CACHD1: variants seen among roughly 807,000 people sequenced by gnomAD.
CACHD1 encodes VWFA and cache domain-containing protein 1.
A neutral mutation model predicts 138.7 loss-of-function variants in CACHD1; 71 were observed. The ratio of observed to expected loss-of-function variants is 0.51; its 90% CI spans 0.42 to 0.62. CACHD1 has a LOEUF of 0.62. Ranked by LOEUF, CACHD1 falls within the 20% of genes least tolerant of loss-of-function variation. CACHD1 has a pLI of 0.00. For missense variants in CACHD1, 1,389 were observed against 1,625.3 expected (o/e 0.85, Z 2.50); for synonymous variants, 578 against 591.5 (o/e 0.98, Z 0.33).
chr1:64,554,673 A>T (rs1392521604), intron 2 of CACHD1, among the ~76,000 whole-genome samples: 1 of 152,232 alleles, frequency 6.6e-6, no homozygotes, highest in Admixed American at 6.5e-5. Flanking sequence ...TCAAATATCT[A>T]TGAATGCTCC....
chr1:64,477,315 C>T (rs1170648588), intron 1 of CACHD1, among the ~76,000 whole-genome samples: 1 of 152,172 alleles, frequency 6.6e-6, no homozygotes, highest in Non-Finnish European at 1.5e-5. Flanking sequence ...TCAATATGGT[C>T]AATCCTCTGC....
intron 26 of CACHD1, among the ~76,000 whole-genome samples, chr1:64,685,492 G>C (rs905269447): frequency 6.6e-6 from 1 of 152,168 alleles, no homozygotes; most frequent in East Asian, 1.9e-4. Flanking sequence ...AGACAGCTTG[G>C]TGTAGAGGAA....
intron 10 of CACHD1, among the ~76,000 whole-genome samples, chr1:64,653,489 A>G (rs574556702): frequency 6.6e-6 from 1 of 152,142 alleles, no homozygotes; most frequent in African/African-American, 2.4e-5. Flanking sequence ...GTGGTAGATT[A>G]GAATGTTTTA....
In CACHD1 at chr1:64,505,746, C is replaced by T. The variant is rs866339414; in HGVS notation, c.198+34804C>T. On this transcript the variant is annotated intron_variant, in intron 1 of 26. Transcript: ENST00000651257. ...TCCCCCTCTTGGCTGCGCCCCGCCC[C>T]GCCTTCCGGGCGCCCTCCTTCCCCG... 3.8e-3 allele frequency among the ~76,000 whole-genome samples: 554 copies of T among 146,434 alleles called. 6 individuals are homozygous for T. Among genetic ancestry groups the T allele is most frequent in the African/African-American group, 0.014 (532 of 39,280 alleles).
intron 8 of CACHD1, among the ~76,000 whole-genome samples, chr1:64,642,930 T>C (rs139495333): frequency 0.01 from 1,558 of 150,826 alleles, 32 homozygotes; most frequent in African/African-American, 0.036. Context: ...TCCCAGCTAC[T>C]CGGGAGGTTG....
At position 64,678,151 on chromosome 1, in the gene CACHD1, T is replaced by C; in HGVS notation, c.3093-8T>C. On this transcript the variant is annotated splice_polypyrimidine_tract_variant and splice_region_variant and intron_variant, in intron 22 of 26. Coordinates refer to ENST00000651257, the MANE Select transcript of CACHD1 (RefSeq NM_020925.4). ...TTTATAGAAGACTAAGTATTGTTTTTCTGGCAGGGACTGTTTTGGGGTGCT... is the reference window on the plus strand; with the variant it reads ...TTTATAGAAGACTAAGTATTGTTTTCCTGGCAGGGACTGTTTTGGGGTGCT... 1 of 1,608,442 alleles carries C rather than the reference T, an allele frequency of 6.2e-7. No individual in the cohort carries two copies. The highest frequency in any genetic ancestry group is 1.1e-5 in the South Asian group (1 of 89,546).
intron 8 of CACHD1, 64 bp from the exon 9 acceptor site, chr1:64,647,737 C>T: frequency 1.4e-6 from 2 of 1,395,596 alleles, no homozygotes; most frequent in Non-Finnish European, 2.0e-6. Context: ...ATCTAAATGG[C>T]AAGAGGTTGA....
chr1:64,533,364 GA>G (rs1418829021), intron 1 of CACHD1, among the ~76,000 whole-genome samples: 1 of 152,088 alleles, frequency 6.6e-6, no homozygotes, highest in Non-Finnish European at 1.5e-5. Flanking sequence ...TCAAAAACAA[GA>G]GAGAGAGGCC....
chr1:64,490,659 T>C (rs1646269699), intron 1 of CACHD1, among the ~76,000 whole-genome samples: 1 of 152,206 alleles, frequency 6.6e-6, no homozygotes, highest in South Asian at 2.1e-4. Flanking sequence ...GTTTCAAAAA[T>C]AGCTTGCCTT....
chr1:64,500,217 G>A (rs142660778), intron 1 of CACHD1, among the ~76,000 whole-genome samples: 1 of 152,274 alleles, frequency 6.6e-6, no homozygotes, highest in African/African-American at 2.4e-5. Context: ...CTGGTCACAT[G>A]ACTCCACCTA....
At chr1:64,594,524 A>G (rs968039298) in intron 3 of CACHD1, among the ~76,000 whole-genome samples, 1 of 152,112 alleles carries the variant, frequency 6.6e-6, no homozygotes, top group East Asian at 1.9e-4. Flanking sequence ...GTGTGTGTGC[A>G]TTAGGTAGAT....
At chr1:64,534,044 AT>A (rs1190973908) in intron 1 of CACHD1, among the ~76,000 whole-genome samples, 426 of 110,494 alleles carry the variant, frequency 3.9e-3, no homozygotes, top group Middle Eastern at 0.014. Context: ...TGAGCCCAGC[AT>A]TTTTTTTTTT....
chr1:64,496,309 A>G (rs186470140), intron 1 of CACHD1, among the ~76,000 whole-genome samples: 30 of 152,292 alleles, frequency 2.0e-4, no homozygotes, highest in African/African-American at 6.3e-4. Context: ...TAGTTGTAGT[A>G]TTTAAGTTCA....
chr1:64,568,442 C>G (rs1557497562), intron 2 of CACHD1, among the ~76,000 whole-genome samples: 1 of 152,056 alleles, frequency 6.6e-6, no homozygotes, highest in Non-Finnish European at 1.5e-5. Flanking sequence ...CCATATGAAG[C>G]CTGGACAATA....
intron 1 of CACHD1, among the ~76,000 whole-genome samples, chr1:64,507,607 C>T (rs750589317): frequency 4.5e-4 from 69 of 152,204 alleles, no homozygotes; most frequent in Non-Finnish European, 8.7e-4. Context: ...TAGGAATCCG[C>T]AGACAGCCCA....
chr1:64,618,313 C>T (rs1020386107), intron 4 of CACHD1, among the ~76,000 whole-genome samples: 3 of 152,182 alleles, frequency 2.0e-5, no homozygotes, highest in Non-Finnish European at 4.4e-5. Context: ...TCTTGCCATC[C>T]CACTCAACCT....
At chr1:64,477,626 T>TATTTTA (rs1553125567) in intron 1 of CACHD1, among the ~76,000 whole-genome samples, 3 of 109,430 alleles carry the variant, frequency 2.7e-5, no homozygotes, top group African/African-American at 1.4e-4. Flanking sequence ...TTATTATTAT[T>TATTTTA]TTATTTTATT....
At chr1:64,625,330 G>T (rs1190849785) in intron 4 of CACHD1, among the ~76,000 whole-genome samples, 1 of 152,048 alleles carries the variant, frequency 6.6e-6, no homozygotes, top group Non-Finnish European at 1.5e-5. Context: ...TGAGGGATGA[G>T]AAATTACCTA....
chr1:64,637,785 A>G (rs1261506343), intron 7 of CACHD1, among the ~76,000 whole-genome samples: 8 of 152,300 alleles, frequency 5.3e-5, no homozygotes, highest in South Asian at 2.1e-4. Flanking sequence ...AGAAAAAATA[A>G]CCTAGATTAG....
Sources: allele counts gnomAD v4.1 joint callset (sites outside exome capture counted in the v4.1 genomes callset), GRCh38; gene constraint gnomAD v4.1.1; transcripts MANE v1.5; gene names NCBI Gene and HGNC (gene_info 2026-07-23, HGNC 2026-07-21).